The following ARHGEF33 variants were observed in gnomAD, a reference collection of about 807,000 sequenced individuals.
ARHGEF33 encodes the protein Rho guanine nucleotide exchange factor 33, also known as DH and coiled-coil domain-containing protein ENSP00000381780.
ARHGEF33 carries 72 observed loss-of-function variants against 101.9 expected under a neutral mutation model. That is an observed-to-expected ratio of 0.71 (90% CI 0.58 to 0.86). The LOEUF (loss-of-function observed/expected upper bound fraction) is 0.86, where lower values mean the gene tolerates loss of function less well. Among genes scored for constraint, ARHGEF33 ranks in the 40% least tolerant of loss-of-function variants. The probability of loss-of-function intolerance (pLI) is 0.00; values close to 1 mark genes in which losing one functional copy is unlikely to be tolerated. For synonymous variants in ARHGEF33, 499 were observed against 442.5 expected (o/e 1.13, Z -1.60); for missense variants, 1,169 against 1,111.3 (o/e 1.05, Z -0.74).
At chr2:38,922,107 G>C (rs1666772211) in intron 4 of ARHGEF33, among the ~76,000 whole-genome samples, 1 of 152,090 alleles carries the variant, frequency 6.6e-6, no homozygotes, top group South Asian at 2.1e-4. Flanking sequence ...TCTCCCAACT[G>C]TAAATTTAAA....
rs1016193590 is a variant in ARHGEF33 at position 38,960,116 on chromosome 2, A to T, written c.1811A>T (p.Asp604Val). 6.5e-7 allele frequency: 1 copy of T among 1,542,218 alleles called. No individual in the cohort carries two copies. The highest frequency in any genetic ancestry group is 8.7e-7 in the Non-Finnish European group (1 of 1,145,340). The change falls in exon 16 of 18, where the codon GAT (aspartate) becomes GTT (valine). Residue 604 changes from aspartate to valine, a missense_variant. By Grantham distance (152) the Asp-to-Val change is radical. Coordinates refer to ENST00000409978, the MANE Select transcript of ARHGEF33 (RefSeq NM_001145451.5). ...SLRAPAELLP[D>V]ARGFVPAAYE... ...CGCGCCCCGGCCGAGCTCCTGCCCG[A>T]TGCCCGCGGCTTCGTGCCCGCGGCC...
chr2:38,918,542 G>C (rs760031686), intron 2 of ARHGEF33, among the ~76,000 whole-genome samples: 4 of 152,152 alleles, frequency 2.6e-5, no homozygotes, highest in Non-Finnish European at 5.9e-5. Flanking sequence ...CCACAACACT[G>C]ACTGTGTGTT....
chr2:38,907,550 A>G (rs897808781), intron 2 of ARHGEF33, among the ~76,000 whole-genome samples: 1 of 152,144 alleles, frequency 6.6e-6, no homozygotes, highest in South Asian at 2.1e-4. Context: ...CCTGGTTCAG[A>G]TCTTGGGAGT....
chr2:38,923,319 AGAG>A (rs1405181352), intron 4 of ARHGEF33, among the ~76,000 whole-genome samples: 2 of 152,316 alleles, frequency 1.3e-5, no homozygotes, highest in East Asian at 3.9e-4. Flanking sequence ...AGAAGAAGAA[AGAG>A]GAGAAGTGAA....
At chr2:38,956,844 A>G (rs1304821623) in intron 13 of ARHGEF33, 55 bp from the exon 14 acceptor site, 1 of 1,541,310 alleles carries the variant, frequency 6.5e-7, no homozygotes, top group Non-Finnish European at 8.8e-7. Flanking sequence ...CAGAAGAGAA[A>G]AAACAAATTT....
At chr2:38,903,220 T>G (rs1329781212) in intron 2 of ARHGEF33, among the ~76,000 whole-genome samples, 3 of 152,114 alleles carry the variant, frequency 2.0e-5, no homozygotes, top group African/African-American at 7.2e-5. Context: ...TTTTTACCAA[T>G]GGACAATTAA....
Position 38,895,763 on chromosome 2 carries a change from T to G in ARHGEF33, c.-158-14T>G, listed in dbSNP as rs1666108655. Reference sequence around the variant, plus strand: ...TATCATTATCAATGGCGTTTTTTTTTTTTTTTTTTACAGAACTTCTAGAGA... The same window carrying G: ...TATCATTATCAATGGCGTTTTTTTTGTTTTTTTTTACAGAACTTCTAGAGA... On this transcript the variant is annotated splice_polypyrimidine_tract_variant and intron_variant, in intron 1 of 17. Transcript: ENST00000409978. 6.6e-6 allele frequency: 1 copy of G among 151,982 alleles called. No individual in the cohort carries two copies. Among genetic ancestry groups the G allele is most frequent in the African/African-American group, 2.4e-5 (1 of 41,410 alleles). The allele number at this position is 151,982 out of a possible 1,614,324, so 9.4% of individuals were successfully genotyped here.
chr2:38,894,596 C>G (rs981800595), intron 1 of ARHGEF33, among the ~76,000 whole-genome samples: 17 of 152,170 alleles, frequency 1.1e-4, no homozygotes, highest in Non-Finnish European at 1.8e-4. Flanking sequence ...CTTCTGCCAT[C>G]CTTAGTATAT....
At chr2:38,967,990 A>G (rs1668089402) in intron 17 of ARHGEF33, among the ~76,000 whole-genome samples, 2 of 141,758 alleles carry the variant, frequency 1.4e-5, no homozygotes, top group African/African-American at 5.3e-5. Context: ...CACAACAAAC[A>G]GCCATTTTTT....
Position 38,957,479 on chromosome 2 carries a change from G to T in ARHGEF33, c.1370+432G>T, listed in dbSNP as rs78745677. Reference sequence around the variant, plus strand: ...ACAAAATGGCCCCAACCAAATCTTTGCCACATGGAGTTTCCTTTTTAGAGT... The same window carrying T: ...ACAAAATGGCCCCAACCAAATCTTTTCCACATGGAGTTTCCTTTTTAGAGT... On this transcript the variant is annotated intron_variant, in intron 14 of 17. Coordinates refer to ENST00000409978, the MANE Select transcript of ARHGEF33 (RefSeq NM_001145451.5). 6.6e-3 allele frequency among the ~76,000 whole-genome samples: 1,005 copies of T among 152,316 alleles called. 5 individuals carry two copies. The highest frequency in any genetic ancestry group is 0.014 in the Middle Eastern group (4 of 294).
At chr2:38,938,253 T>G (rs995342781) in intron 9 of ARHGEF33, among the ~76,000 whole-genome samples, 1 of 152,132 alleles carries the variant, frequency 6.6e-6, no homozygotes, top group Non-Finnish European at 1.5e-5. Context: ...AAAAGATGTT[T>G]AGCCAGGCAT....
chr2:38,948,469 A>G (rs927092763), intron 10 of ARHGEF33, among the ~76,000 whole-genome samples: 1 of 151,914 alleles, frequency 6.6e-6, no homozygotes, highest in East Asian at 1.9e-4. Flanking sequence ...CAGCTCTCCC[A>G]TTCTCCAAGT....
chr2:38,937,459 TGAA>T lies in ARHGEF33; in HGVS notation c.694_696del (p.Glu232del). The T allele has an allele frequency of 6.5e-7, 1 of 1,549,992 alleles. No homozygotes were observed. The highest frequency in any genetic ancestry group is 8.7e-7 in the Non-Finnish European group (1 of 1,146,076). Reference sequence around the variant, plus strand: ...AGCCTAAGGATGGTAAAGAATGGGGTGAAGAATACGTCACAAAAGACCACCCAG... The same window carrying T: ...AGCCTAAGGATGGTAAAGAATGGGGTGAATACGTCACAAAAGACCACCCAG... On this transcript the variant is annotated inframe_deletion, in exon 9 of 18. Coordinates refer to ENST00000409978, the MANE Select transcript of ARHGEF33 (RefSeq NM_001145451.5).
At chr2:38,894,832 A>G (rs1666085404) in intron 1 of ARHGEF33, among the ~76,000 whole-genome samples, 1 of 152,202 alleles carries the variant, frequency 6.6e-6, no homozygotes, top group Non-Finnish European at 1.5e-5. Context: ...CCAAAAAAAG[A>G]GGAGAATGAA....
intron 2 of ARHGEF33, among the ~76,000 whole-genome samples, chr2:38,896,063 A>G (rs1352174613): frequency 1.3e-5 from 2 of 152,254 alleles, no homozygotes; most frequent in African/African-American, 2.4e-5. Flanking sequence ...TAAACCAGCT[A>G]TGTTACATCA....
intron 7 of ARHGEF33, among the ~76,000 whole-genome samples, chr2:38,933,387 T>C (rs182300965): frequency 1.3e-5 from 2 of 152,068 alleles, no homozygotes; most frequent in African/African-American, 4.8e-5. Flanking sequence ...GTTTTGTTTT[T>C]TTTTTCTTTT....
intron 17 of ARHGEF33, chr2:38,973,401 T>C (rs1572787818): frequency 6.3e-6 from 1 of 159,582 alleles, no homozygotes; most frequent in Non-Finnish European, 1.4e-5. Flanking sequence ...TGTTACTTCA[T>C]TGAATCAAAA....
chr2:38,959,859 G>A lies in ARHGEF33; in HGVS notation c.1554G>A (p.Val518=), dbSNP rs1465993563. The A allele has an allele frequency of 2.6e-6, 4 of 1,549,802 alleles. No individual in the cohort carries two copies. The highest frequency in any genetic ancestry group is 3.5e-6 in the Non-Finnish European group (4 of 1,145,660). The stretch of plus-strand genomic sequence containing the variant: ...CCTAAAGACATCTGATGCCCCCAGT[G>A]AAGAAAAGCCAACAGCAGCAAAGCC... ...GPAITHLMPP[V]KKSQQQQSLM... The change falls in exon 16 of 18, where the codon GTG becomes GTA. Residue 518 remains valine (V), a synonymous_variant. Coordinates refer to ENST00000409978, the MANE Select transcript of ARHGEF33 (RefSeq NM_001145451.5).
At chr2:38,917,952 CAAAGTTT>C (rs1488782536) in intron 2 of ARHGEF33, among the ~76,000 whole-genome samples, 2 of 152,002 alleles carry the variant, frequency 1.3e-5, no homozygotes, top group Non-Finnish European at 2.9e-5. Flanking sequence ...AAGTGATGAA[CAAAGTTT>C]AAACTTGCGT....
Sources: gnomAD v4.1 joint callset for allele counts (sites outside exome capture counted in the v4.1 genomes callset) on GRCh38, gnomAD v4.1.1 for gene constraint, MANE v1.5 for transcripts, NCBI Gene and HGNC (gene_info 2026-07-23, HGNC 2026-07-21) for gene names.